GNL3: variants seen among roughly 807,000 people sequenced by gnomAD.
GNL3 encodes the protein guanine nucleotide-binding protein-like 3.
GNL3 carries 77 observed loss-of-function variants against 70.6 expected under a neutral mutation model. The ratio of observed to expected loss-of-function variants is 1.09; its 90% CI spans 0.91 to 1.32. GNL3 has a LOEUF of 1.32. GNL3 is among the 40% of genes most tolerant of loss of function. The probability of loss-of-function intolerance (pLI) is 0.00; values close to 1 mark genes in which losing one functional copy is unlikely to be tolerated. For synonymous variants in GNL3, 252 were observed against 216.1 expected (o/e 1.17, Z -1.46); for missense variants, 634 against 644.0 (o/e 0.98, Z 0.17).
intron 5 of GNL3, 32 bp downstream of exon 5, chr3:52,688,224 GT>G (rs2097324112): frequency 4.0e-6 from 5 of 1,241,772 alleles, no homozygotes; most frequent in Non-Finnish European, 5.9e-6. Flanking sequence ...TCTGACAGTA[GT>G]AATGAGGTTT....
intron 9 of GNL3, 30 bp from the exon 10 acceptor site, chr3:52,692,841 GC>G: frequency 6.4e-7 from 1 of 1,571,544 alleles, no homozygotes; most frequent in Non-Finnish European, 8.7e-7. Context: ...ATAGACCAAT[GC>G]CCCCATCAAT....
At chr3:52,686,447 C>T (rs765553974) in intron 1 of GNL3, 4 of 569,666 alleles carry the variant, frequency 7.0e-6, no homozygotes, top group Admixed American at 3.2e-5. Context: ...GAATCGCCTC[C>T]CAGACTCAGT....
Position 52,687,236 on chromosome 3 carries a change from AT to A in GNL3, c.73-6del. The A allele has an allele frequency of 6.2e-7, 1 of 1,600,402 alleles. No individual in the cohort carries two copies. The highest frequency in any genetic ancestry group is 8.5e-7 in the Non-Finnish European group (1 of 1,174,110). ...TTTTGTAAGCAGACAAAATCTCTTT[AT>A]TTTAATAGGTTCGAGAACATCATCG... On this transcript the variant is annotated splice_polypyrimidine_tract_variant and intron_variant, in intron 2 of 14. Transcript: ENST00000418458.
intron 1 of GNL3, 155 bp downstream of exon 1, chr3:52,686,260 G>A: frequency 1.3e-6 from 1 of 754,698 alleles, no homozygotes; most frequent in Non-Finnish European, 2.2e-6. Flanking sequence ...AGAACCGAGA[G>A]TTGGAAGTCC....
chr3:52,691,728 A>G, intron 9 of GNL3, 99 bp downstream of exon 9: 1 of 677,454 alleles, frequency 1.5e-6, no homozygotes, highest in Non-Finnish European at 2.6e-6. Context: ...TTTTTGAGAC[A>G]GTTTCACTCT....
rs764118196 is a variant in GNL3 at position 52,693,560 on chromosome 3, C to T, written c.1324+16C>T. On this transcript the variant is annotated intron_variant, in intron 12 of 14. Transcript: ENST00000418458. ...AGCATAAGAGGTGAGAATTGTGTGTCGCTGCTGTCTTCATCAGCTGACAGG... is the reference window on the plus strand; with the variant it reads ...AGCATAAGAGGTGAGAATTGTGTGTTGCTGCTGTCTTCATCAGCTGACAGG... The T allele has an allele frequency of 4.3e-6, 7 of 1,614,052 alleles. No individual in the cohort carries two copies. Among genetic ancestry groups the T allele is most frequent in the East Asian group, 2.2e-5 (1 of 44,886 alleles).
intron 1 of GNL3, 74 bp downstream of exon 1, chr3:52,686,179 A>G: frequency 2.0e-6 from 3 of 1,529,164 alleles, no homozygotes; most frequent in Non-Finnish European, 2.7e-6. Context: ...ACGCTCTTCT[A>G]CGGCTACGGC....
At position 52,686,772 on chromosome 3, in the gene GNL3, TAAAG is replaced by T. The variant is rs1284353073; in HGVS notation, c.22_25del (p.Lys8GlnfsTer5). The T allele has an allele frequency of 6.8e-6, 11 of 1,609,526 alleles. No individual in the cohort carries two copies. The highest frequency in any genetic ancestry group is 9.4e-6 in the Non-Finnish European group (11 of 1,175,828). On this transcript the variant is annotated frameshift_variant, in exon 2 of 15. Transcript: ENST00000418458. LOFTEE classifies it high-confidence loss of function. Reference sequence around the variant, plus strand: ...TTTGTGATGTGTTTCTTTGTAGAGTTAAAGAAAGCAAGTAAACGCATGACCTGCC... The same window carrying T: ...TTTGTGATGTGTTTCTTTGTAGAGTTAAAGCAAGTAAACGCATGACCTGCC...
At chr3:52,692,630 T>C in intron 9 of GNL3, 1 of 608,492 alleles carries the variant, frequency 1.6e-6, no homozygotes, top group Non-Finnish European at 3.1e-6. Context: ...AGGTGGCATA[T>C]TTATAGCAAA....
chr3:52,694,377 G>A lies in GNL3; in HGVS notation c.*102G>A, dbSNP rs2097330682. The A allele has an allele frequency of 1.5e-6, 1 of 652,536 alleles. No homozygotes were observed. Among genetic ancestry groups the A allele is most frequent in the Admixed American group, 3.0e-5 (1 of 33,500 alleles). 40.4% of individuals were successfully genotyped at this position (652,536 alleles called of 1,614,324 possible). A position where few individuals can be genotyped will look rare whatever the true frequency, so the allele number is the denominator to read the frequency against. On this transcript the variant is annotated 3_prime_UTR_variant, in exon 15 of 15. Coordinates refer to ENST00000418458, the MANE Select transcript of GNL3 (RefSeq NM_014366.5). ...TATGCATGAGCTGTGTAAATTTTGT[G>A]AATATGTATTATATTAAAACCAGGC...
At chr3:52,686,364 G>C (rs1055057428) in intron 1 of GNL3, 1 of 590,528 alleles carries the variant, frequency 1.7e-6, no homozygotes, top group Non-Finnish European at 3.0e-6. Context: ...TAAGGAAGCA[G>C]CGTCTGAGCC....
chr3:52,691,197 T>C (rs936239910), intron 8 of GNL3, 126 bp downstream of exon 8: 15 of 798,616 alleles, frequency 1.9e-5, no homozygotes, highest in African/African-American at 3.5e-5. Context: ...ACTCAAATAC[T>C]AGCTTCTTGC....
chr3:52,691,269 T>C (rs1235299234), intron 8 of GNL3, 198 bp downstream of exon 8: 1 of 616,224 alleles, frequency 1.6e-6, no homozygotes, highest in Non-Finnish European at 2.8e-6. Flanking sequence ...ACACAACTGC[T>C]GCCAGATTCA....
intron 6 of GNL3, chr3:52,689,433 TAAAG>T (rs763355162): frequency 5.5e-5 from 33 of 600,374 alleles, no homozygotes; most frequent in African/African-American, 1.8e-4. Context: ...ATCTTTTAAA[TAAAG>T]AGTGTAAGCT....
rs756677164 is a variant in GNL3, at chr3:52,693,501, C to G, written c.1281C>G (p.Phe427Leu). Residue 427 changes from phenylalanine (F) to leucine (L), a missense_variant, in exon 12 of 15, where the codon TTC becomes TTG. Physicochemically the swap from Phe to Leu is conservative, Grantham distance 22. Coordinates refer to ENST00000418458, the MANE Select transcript of GNL3 (RefSeq NM_014366.5). ...TTGTGGTAGACATGAAAAGCGGCTT[C>G]AATCTGGAAGAACTGGAAAAGAACA... ...ESIVVDMKSG[F>L]NLEELEKNNA... 6.2e-7 allele frequency: 1 copy of G among 1,614,014 alleles called. No individual in the cohort carries two copies. The highest frequency in any genetic ancestry group is 1.3e-5 in the African/African-American group (1 of 74,908).
Position 52,687,269 on chromosome 3 carries a change from A to G in GNL3, c.96A>G (p.Leu32=), listed in dbSNP as rs2097318856. 2 of 1,612,704 alleles carry G rather than the reference A, an allele frequency of 1.2e-6. No individual in the cohort carries two copies. The highest frequency in any genetic ancestry group is 1.3e-5 in the African/African-American group (1 of 74,910). Residue 32 remains leucine, a synonymous_variant, in exon 3 of 15, where the codon TTA becomes TTG. Transcript: ENST00000418458. ...AGGTTCGAGAACATCATCGAAAATTAAGAAAGGAGGCTAAAAAGCGGGGTC... is the reference window on the plus strand; with the variant it reads ...AGGTTCGAGAACATCATCGAAAATTGAGAAAGGAGGCTAAAAAGCGGGGTC... ...QKKVREHHRK[L]RKEAKKRGHK...
chr3:52,693,434 C>G lies in GNL3; in HGVS notation c.1214C>G (p.Pro405Arg). The change falls in exon 12 of 15, where the codon CCC becomes CGC. Residue 405 changes from proline (P) to arginine (R), a missense_variant. Pro to Arg is a moderately radical substitution (Grantham distance 103). Coordinates refer to ENST00000418458, the MANE Select transcript of GNL3 (RefSeq NM_014366.5). ...TGASLAYYCHPPTSWTPPPYF... is the reference protein window; with the variant it reads ...TGASLAYYCHRPTSWTPPPYF... Reference sequence around the variant, plus strand: ...GCCTCATTAGCTTACTATTGCCATCCCCCTACATCTTGGACTCCTCCTCCA... The same window carrying G: ...GCCTCATTAGCTTACTATTGCCATCGCCCTACATCTTGGACTCCTCCTCCA... The G allele has an allele frequency of 6.2e-7, 1 of 1,613,866 alleles. No individual in the cohort carries two copies.
chr3:52,692,780 G>C (rs1419960447), intron 9 of GNL3, 92 bp from the exon 10 acceptor site: 6 of 917,768 alleles, frequency 6.5e-6, no homozygotes, highest in African/African-American at 6.5e-5. Flanking sequence ...TGACTGTGCT[G>C]AGTCTGTTCA....
Position 52,686,106 on chromosome 3 carries a change from G to T in GNL3, c.13+1G>T. The stretch of plus-strand genomic sequence containing the variant: ...TCTACAGCCAATATGAAAAGGCCTA[G>T]TAAGTGGGGTCGGGAGGCGGGCGTG... On this transcript the variant is annotated splice_donor_variant, in intron 1 of 14. Coordinates refer to ENST00000418458, the MANE Select transcript of GNL3 (RefSeq NM_014366.5). LOFTEE classifies it high-confidence loss of function. 6.5e-7 allele frequency: 1 copy of T among 1,547,288 alleles called. No homozygotes were observed. Among genetic ancestry groups the T allele is most frequent in the Non-Finnish European group, 8.9e-7 (1 of 1,118,988 alleles).
Sources: allele counts gnomAD v4.1 joint callset, GRCh38; gene constraint gnomAD v4.1.1; transcripts MANE v1.5; gene names NCBI Gene and HGNC (gene_info 2026-07-23, HGNC 2026-07-21).